The following PGM5 variants were observed in gnomAD, a reference collection of about 807,000 sequenced individuals.
The protein encoded by PGM5 is phosphoglucomutase 5.
In PGM5, 23 loss-of-function variants were observed where a neutral mutation model predicts 59.2. The observed-to-expected ratio is 0.39, with a 90% confidence interval of 0.28 to 0.55. The LOEUF (loss-of-function observed/expected upper bound fraction) is 0.55, where lower values mean the gene tolerates loss of function less well. PGM5 is among the 20% of genes least tolerant of loss of function. The pLI is 0.66. For missense variants in PGM5, 574 were observed against 748.3 expected (o/e 0.77, Z 2.72); for synonymous variants, 214 against 286.0 (o/e 0.75, Z 2.54).
At chr9:68,518,730 A>T (rs964608084) in intron 10 of PGM5, among the ~76,000 whole-genome samples, 1 of 152,264 alleles carries the variant, frequency 6.6e-6, no homozygotes, top group East Asian at 1.9e-4. Flanking sequence ...AAAGAATATA[A>T]GATTGCTGCC....
At chr9:68,358,169 T>C (rs1387665339) in intron 1 of PGM5, among the ~76,000 whole-genome samples, 1 of 152,212 alleles carries the variant, frequency 6.6e-6, no homozygotes, top group Non-Finnish European at 1.5e-5. Flanking sequence ...GTTTTCTTAA[T>C]GCAATTCCCA....
chr9:68,492,957 G>A (rs547728157), intron 9 of PGM5, among the ~76,000 whole-genome samples: 46 of 152,318 alleles, frequency 3.0e-4, no homozygotes, highest in Admixed American at 9.8e-4. Context: ...TGGGAGATAA[G>A]ATCTGAGTTA....
intron 6 of PGM5, among the ~76,000 whole-genome samples, chr9:68,430,184 A>G (rs1330701238): frequency 1.3e-5 from 2 of 152,214 alleles, no homozygotes; most frequent in Non-Finnish European, 2.9e-5. Context: ...TGTCTCCTCT[A>G]TGGTTTTGAA....
intron 9 of PGM5, among the ~76,000 whole-genome samples, chr9:68,487,494 ACAC>A (rs1564019230): frequency 3.3e-5 from 5 of 151,080 alleles, no homozygotes; most frequent in African/African-American, 1.2e-4. Flanking sequence ...ACACACACAC[ACAC>A]AAATCAGGTG....
At chr9:68,517,249 A>C (rs1824837839) in intron 10 of PGM5, among the ~76,000 whole-genome samples, 1 of 152,104 alleles carries the variant, frequency 6.6e-6, no homozygotes. Flanking sequence ...GGGCATAGGC[A>C]TAATAGGGGA....
chr9:68,451,896 A>T (rs1697309810), intron 6 of PGM5, among the ~76,000 whole-genome samples: 2 of 152,206 alleles, frequency 1.3e-5, no homozygotes, highest in Non-Finnish European at 2.9e-5. Flanking sequence ...AACACCCTAC[A>T]CTTGAATATT....
At chr9:68,418,242 T>C (rs367801621) in intron 6 of PGM5, among the ~76,000 whole-genome samples, 15 of 152,320 alleles carry the variant, frequency 9.8e-5, no homozygotes, top group African/African-American at 3.4e-4. Context: ...GTGTCCCATT[T>C]CACTGGGCAA....
chr9:68,474,602 T>C (rs1824075158), intron 7 of PGM5, among the ~76,000 whole-genome samples: 2 of 152,056 alleles, frequency 1.3e-5, no homozygotes, highest in Admixed American at 1.3e-4. Flanking sequence ...TACCAGTTTT[T>C]GCTGGAGTCA....
chr9:68,502,774 C>A (rs1413168353), intron 10 of PGM5, among the ~76,000 whole-genome samples: 1 of 152,156 alleles, frequency 6.6e-6, no homozygotes, highest in Non-Finnish European at 1.5e-5. Flanking sequence ...ACTGTAACCT[C>A]CACCTCTTGG....
chr9:68,498,917 C>A, intron 9 of PGM5: 1 of 317,826 alleles, frequency 3.1e-6, no homozygotes. Context: ...ATCATTTCAT[C>A]CCTGTGACTT....
chr9:68,393,414 C>T (rs533400707), intron 6 of PGM5, among the ~76,000 whole-genome samples: 1 of 151,962 alleles, frequency 6.6e-6, no homozygotes, highest in South Asian at 2.1e-4. Context: ...TGCTTGTAAC[C>T]TGCTTTTTCT....
chr9:68,500,613 C>T (rs1554688583), intron 10 of PGM5, among the ~76,000 whole-genome samples: 1 of 152,174 alleles, frequency 6.6e-6, no homozygotes, highest in African/African-American at 2.4e-5. Flanking sequence ...ACATTTCTCC[C>T]AAGATAGTAC....
At chr9:68,370,471 G>A (rs1175331507) in intron 1 of PGM5, among the ~76,000 whole-genome samples, 2 of 152,054 alleles carry the variant, frequency 1.3e-5, no homozygotes, top group African/African-American at 4.8e-5. Flanking sequence ...CTGCTCTCTA[G>A]GACTTTAATT....
At chr9:68,453,578 C>A (rs1410481979) in intron 6 of PGM5, among the ~76,000 whole-genome samples, 1 of 152,198 alleles carries the variant, frequency 6.6e-6, no homozygotes, top group Non-Finnish European at 1.5e-5. Flanking sequence ...CTCAAGCTAT[C>A]CCCCCTCCTT....
chr9:68,484,162 G>C, intron 9 of PGM5, 114 bp downstream of exon 9: 2 of 860,296 alleles, frequency 2.3e-6, no homozygotes, highest in Non-Finnish European at 3.7e-6. Flanking sequence ...TTATAGATGA[G>C]AACTGTGCAG....
At chr9:68,501,353 G>A (rs1389316673) in intron 10 of PGM5, among the ~76,000 whole-genome samples, 1 of 152,178 alleles carries the variant, frequency 6.6e-6, no homozygotes, top group Admixed American at 6.5e-5. Context: ...ATAACATAGA[G>A]TAAGATTTTA....
intron 10 of PGM5, among the ~76,000 whole-genome samples, chr9:68,514,293 G>A (rs1824792931): frequency 6.6e-6 from 1 of 151,960 alleles, no homozygotes; most frequent in South Asian, 2.1e-4. Flanking sequence ...ACTTAAGGAG[G>A]CCCTATCTCT....
At chr9:68,435,788 A>T (rs1823433586) in intron 6 of PGM5, among the ~76,000 whole-genome samples, 1 of 152,212 alleles carries the variant, frequency 6.6e-6, no homozygotes, top group South Asian at 2.1e-4. Flanking sequence ...TGTATCTAAA[A>T]GTGGGCTTGC....
intron 6 of PGM5, among the ~76,000 whole-genome samples, chr9:68,408,990 A>T (rs1587798361): frequency 6.6e-6 from 1 of 152,150 alleles, no homozygotes; most frequent in South Asian, 2.1e-4. Flanking sequence ...CTTGTAGTAT[A>T]GTTTGAAGTC....
Sources: gnomAD v4.1 joint callset for allele counts (sites outside exome capture counted in the v4.1 genomes callset) on GRCh38, gnomAD v4.1.1 for gene constraint, MANE v1.5 for transcripts, NCBI Gene and HGNC (gene_info 2026-07-23, HGNC 2026-07-21) for gene names.